SVEP1: variants seen among roughly 807,000 people sequenced by gnomAD.
SVEP1 encodes the protein sushi, von Willebrand factor type A, EGF and pentraxin domain containing 1, also known as sushi, von Willebrand factor type A, EGF and pentraxin domain-containing protein 1.
Under a neutral mutation model 367.3 loss-of-function variants are expected in SVEP1, and 164 were observed. The ratio of observed to expected loss-of-function variants is 0.45; its 90% confidence interval spans 0.39 to 0.51. The LOEUF is 0.51. Ranked by LOEUF, SVEP1 falls within the 20% of genes least tolerant of loss-of-function variation. The pLI is 0.00. For synonymous variants in SVEP1, 1,666 were observed against 1,611.6 expected (o/e 1.03, Z -0.81); for missense variants, 4,117 against 4,425.3 (o/e 0.93, Z 1.98).
intron 40 of SVEP1, among the ~76,000 whole-genome samples, chr9:110,391,637 C>G (rs896050238): frequency 1.3e-5 from 2 of 152,072 alleles, no homozygotes; most frequent in Non-Finnish European, 2.9e-5. Context: ...TGGAAACATC[C>G]TGGTATTAAC....
chr9:110,370,997 G>A (rs1054812065), intron 46 of SVEP1, among the ~76,000 whole-genome samples: 2 of 152,142 alleles, frequency 1.3e-5, no homozygotes, highest in Admixed American at 1.3e-4. Context: ...ATAAAATATG[G>A]AGAAAATGTC....
At chr9:110,537,991 G>A (rs1168444857) in intron 3 of SVEP1, among the ~76,000 whole-genome samples, 2 of 151,810 alleles carry the variant, frequency 1.3e-5, no homozygotes, top group Admixed American at 1.3e-4. Context: ...AGAAAGATAA[G>A]ATCTTATAAC....
At chr9:110,528,136 G>A (rs1829965499) in intron 3 of SVEP1, among the ~76,000 whole-genome samples, 1 of 38,096 alleles carries the variant, frequency 2.6e-5, no homozygotes, top group East Asian at 3.7e-4. Flanking sequence ...ACACACGTGT[G>A]TGTGTGTGTG....
At chr9:110,499,896 C>T (rs873287) in intron 6 of SVEP1, among the ~76,000 whole-genome samples, 3,163 of 152,288 alleles carry the variant, frequency 0.021, 48 homozygotes, top group South Asian at 0.062. Context: ...CAGCATTACT[C>T]ACATTTTTAG....
At chr9:110,498,934 T>C in intron 7 of SVEP1, 107 bp downstream of exon 7, 3 of 953,658 alleles carry the variant, frequency 3.1e-6, no homozygotes. Context: ...CCTAACCATA[T>C]TATCATGGGT....
intron 23 of SVEP1, 83 bp downstream of exon 23, chr9:110,451,206 T>G: frequency 9.0e-7 from 1 of 1,105,890 alleles, no homozygotes; most frequent in Non-Finnish European, 1.3e-6. Context: ...AAAATTCACA[T>G]TAATATATAT....
chr9:110,438,057 G>C (rs547118304), intron 27 of SVEP1, among the ~76,000 whole-genome samples: 168 of 151,914 alleles, frequency 1.1e-3, no homozygotes, highest in African/African-American at 3.8e-3. Flanking sequence ...GTATGTATGT[G>C]TGAGGTATTT....
intron 22 of SVEP1, among the ~76,000 whole-genome samples, chr9:110,455,052 GAGAGGCAT>G (rs1564147638): frequency 6.6e-6 from 1 of 152,096 alleles, no homozygotes. Flanking sequence ...AAGTTAAAAG[GAGAGGCAT>G]AGTGGTCCAT....
intron 47 of SVEP1, among the ~76,000 whole-genome samples, chr9:110,367,886 G>A (rs1827222535): frequency 6.6e-6 from 1 of 152,274 alleles, no homozygotes; most frequent in South Asian, 2.1e-4. Context: ...TTCGAGACTA[G>A]CCTGGCCAAC....
chr9:110,480,488 T>G (rs1829167864), intron 12 of SVEP1, among the ~76,000 whole-genome samples: 1 of 152,208 alleles, frequency 6.6e-6, no homozygotes, highest in Non-Finnish European at 1.5e-5. Flanking sequence ...TACATTAGGT[T>G]ATTTTTATAA....
At chr9:110,380,760 G>C (rs113071783) in intron 43 of SVEP1, among the ~76,000 whole-genome samples, 7 of 152,296 alleles carry the variant, frequency 4.6e-5, no homozygotes, top group African/African-American at 1.7e-4. Context: ...GTTTCTGAAG[G>C]AATGGTACCA....
intron 40 of SVEP1, among the ~76,000 whole-genome samples, chr9:110,390,012 A>AGTGTGTGT (rs138667082): frequency 1.7e-4 from 20 of 115,590 alleles, no homozygotes; most frequent in African/African-American, 5.0e-4. Flanking sequence ...TATACACATA[A>AGTGTGTGT]GTGTGTGTGT....
intron 43 of SVEP1, among the ~76,000 whole-genome samples, chr9:110,381,722 C>G (rs1827440305): frequency 6.6e-6 from 1 of 152,138 alleles, no homozygotes; most frequent in Admixed American, 6.5e-5. Context: ...TGATCTAGAG[C>G]TGAGTTCAAG....
In SVEP1 at chr9:110,443,720, G is replaced by A; in HGVS notation, c.4464C>T (p.Gly1488=). 1 of 1,582,968 alleles carries A rather than the reference G, an allele frequency of 6.3e-7. No homozygotes were observed. The highest frequency in any genetic ancestry group is 8.6e-7 in the Non-Finnish European group (1 of 1,162,648). The change falls in exon 27 of 48, where the codon GGC becomes GGT. Residue 1488 remains glycine (G), a splice_region_variant and synonymous_variant. Coordinates refer to ENST00000374469, the MANE Select transcript of SVEP1 (RefSeq NM_153366.4). ...CCCTGCCATTCACATAAAGAACCCA[G>A]CTGTAGAGAGAAAGATTCCAGGGAA... The part of the protein sequence containing the change: ...DNTLLLTDYN[G]WVLYVNGREK...
At chr9:110,538,262 G>A (rs1830103978) in intron 3 of SVEP1, among the ~76,000 whole-genome samples, 1 of 151,984 alleles carries the variant, frequency 6.6e-6, no homozygotes, top group South Asian at 2.1e-4. Flanking sequence ...TAAGTTGATG[G>A]AACCAGTGTC....
At position 110,469,202 on chromosome 9, in the gene SVEP1, G is replaced by T. The variant is rs1263113688; in HGVS notation, c.2999-101C>A. ...TGAAAGTAATAAAGCATGCTTGAAG[G>T]TGCTATTGTTTATGGGTTAAATTTT... On this transcript the variant is annotated intron_variant, in intron 16 of 47. Transcript: ENST00000374469. 11 of 1,264,992 alleles carry T rather than the reference G, an allele frequency of 8.7e-6. 1 individual carries two copies. The highest frequency in any genetic ancestry group is 4.7e-5 in the Admixed American group (2 of 42,294). The allele number at this position is 1,264,992 out of a possible 1,614,324, so 78.4% of individuals were successfully genotyped here.
At chr9:110,409,476 G>A (rs926628571) in intron 37 of SVEP1, among the ~76,000 whole-genome samples, 3 of 152,090 alleles carry the variant, frequency 2.0e-5, no homozygotes, top group Non-Finnish European at 4.4e-5. Context: ...AATCCCCACT[G>A]CAGAAATCCT....
At chr9:110,566,162 T>C (rs1407018112) in intron 1 of SVEP1, among the ~76,000 whole-genome samples, 1 of 150,540 alleles carries the variant, frequency 6.6e-6, no homozygotes, top group African/African-American at 2.4e-5. Context: ...TACAAAAAAA[T>C]ACAAAAAGAA....
intron 1 of SVEP1, among the ~76,000 whole-genome samples, chr9:110,551,262 C>T (rs1374804497): frequency 6.6e-6 from 1 of 152,142 alleles, no homozygotes; most frequent in East Asian, 1.9e-4. Context: ...TTCTCTCAGA[C>T]TATGAGATCC....
Sources: gnomAD v4.1 joint callset for allele counts (sites outside exome capture counted in the v4.1 genomes callset) on GRCh38, gnomAD v4.1.1 for gene constraint, MANE v1.5 for transcripts, NCBI Gene and HGNC (gene_info 2026-07-23, HGNC 2026-07-21) for gene names.